The following MYB variants were observed in gnomAD, a reference collection of about 807,000 sequenced individuals.
MYB encodes MYB proto-oncogene, transcription factor.
A neutral mutation model predicts 92.9 loss-of-function variants in MYB; 28 were observed. The ratio of observed to expected loss-of-function variants is 0.30; its 90% CI spans 0.22 to 0.41. MYB has a LOEUF of 0.41. Ranked by LOEUF, MYB falls within the 10% of genes least tolerant of loss-of-function variation. The pLI is 1.00. For synonymous variants in MYB, 295 were observed against 329.1 expected (o/e 0.90, Z 1.12); for missense variants, 679 against 929.3 (o/e 0.73, Z 3.50).
chr6:135,218,247 T>G lies in MYB; in HGVS notation c.*267T>G, dbSNP rs1780705679. 1 of 330,532 alleles carries G rather than the reference T, an allele frequency of 3.0e-6. No individual in the cohort carries two copies. The highest frequency in any genetic ancestry group is 5.7e-5 in the East Asian group (1 of 17,678). The allele number at this position is 330,532 out of a possible 1,614,324, so 20.5% of individuals were successfully genotyped here. ...GTTGTTAATATCTTAATGCAGATTT[T>G]TTTAAAAAAAACATAAAATGATTTA... On this transcript the variant is annotated 3_prime_UTR_variant, in exon 16 of 16. Coordinates refer to ENST00000341911, the MANE Select transcript of MYB (RefSeq NM_001130173.2).
chr6:135,217,781 C>G (rs1780658001), intron 15 of MYB, 83 bp from the exon 16 acceptor site: 3 of 901,502 alleles, frequency 3.3e-6, no homozygotes, highest in Non-Finnish European at 5.5e-6. Flanking sequence ...CACTTGCCAT[C>G]TGTTGGTCAG....
Position 135,197,105 on chromosome 6 carries a change from A to G in MYB, c.1348A>G (p.Arg450Gly), listed in dbSNP as rs779324613. The stretch of plus-strand genomic sequence containing the variant: ...TAAACCTGCAGGAGAACCTAGCCCA[A>G]GGGTGAACAAACGTATGTTGAGTGA... ...GTKPAGEPSP[R>G]VNKRMLSESS... Residue 450 changes from arginine to glycine, a missense_variant, in exon 10 of 16, where the codon AGG becomes GGG. Arg to Gly is a moderately radical substitution (Grantham distance 125). Around this residue, in one of 8 missense-constraint regions of MYB, gnomAD observed 402 missense variants for 434.2 expected, o/e 0.93. Coordinates refer to ENST00000341911, the MANE Select transcript of MYB (RefSeq NM_001130173.2). 6.2e-7 allele frequency: 1 copy of G among 1,613,926 alleles called. No individual in the cohort carries two copies. Among genetic ancestry groups the G allele is most frequent in the African/African-American group, 1.3e-5 (1 of 74,940 alleles).
At chr6:135,212,698 A>G (rs1410519409) in intron 15 of MYB, among the ~76,000 whole-genome samples, 4 of 152,226 alleles carry the variant, frequency 2.6e-5, no homozygotes, top group African/African-American at 9.6e-5. Flanking sequence ...CATGTCTGCA[A>G]GAGCACCATG....
chr6:135,209,467 C>G (rs1779420394), intron 15 of MYB, among the ~76,000 whole-genome samples: 1 of 152,236 alleles, frequency 6.6e-6, no homozygotes. Flanking sequence ...CTCCCAACCT[C>G]AGGTGATCTG....
At chr6:135,203,764 A>G in intron 15 of MYB, 1 of 1,330,890 alleles carries the variant, frequency 7.5e-7, no homozygotes, top group Non-Finnish European at 9.8e-7. Context: ...GTCTGAAATT[A>G]GTCAGACAGA....
At position 135,210,829 on chromosome 6, in the gene MYB, A is replaced by T. The variant is rs532537098; in HGVS notation, c.2170-7035A>T. ...ACACTTGCCACTATACACAGGTGAT[A>T]TTATTAGGCAGAGTCGCCACATAGT... is the stretch of plus-strand genomic sequence containing the variant. On this transcript the variant is annotated intron_variant, in intron 15 of 15. Transcript: ENST00000341911. 2.0e-5 allele frequency among the ~76,000 whole-genome samples: 3 copies of T among 152,378 alleles called. No individual in the cohort carries two copies. The East Asian group carries it at 5.8e-4, about 29-fold the overall frequency.
Position 135,219,031 on chromosome 6 carries a change from A to G in MYB, c.*1051A>G, listed in dbSNP as rs1217540178. 2 of 224,814 alleles carry G rather than the reference A, an allele frequency of 8.9e-6. No homozygotes were observed. Among genetic ancestry groups the G allele is most frequent in the African/African-American group, 2.2e-5 (1 of 44,878 alleles). The allele number at this position is 224,814 out of a possible 1,614,324, so 13.9% of individuals were successfully genotyped here. A position where few individuals can be genotyped will look rare whatever the true frequency, so the allele number is the denominator to read the frequency against. ...CTGTTGCATGGATCCTGTGTTTGCA[A>G]CTGGGGAGACAGAAACTGTGGTTGA... is the stretch of plus-strand genomic sequence containing the variant. On this transcript the variant is annotated 3_prime_UTR_variant, in exon 16 of 16. Transcript: ENST00000341911.
At chr6:135,192,235 G>A (rs1037853793) in intron 5 of MYB, 89 bp from the exon 6 acceptor site, 13 of 1,056,530 alleles carry the variant, frequency 1.2e-5, no homozygotes, top group Admixed American at 5.4e-5. Context: ...CAAGGGAAAG[G>A]TCTCTGTTAG....
chr6:135,217,176 C>T (rs781396841), intron 15 of MYB, among the ~76,000 whole-genome samples: 3 of 152,046 alleles, frequency 2.0e-5, no homozygotes, highest in Non-Finnish European at 4.4e-5. Context: ...CAAGACCAAC[C>T]TGGGCAACAT....
intron 10 of MYB, among the ~76,000 whole-genome samples, chr6:135,198,006 ATTAT>A (rs1156508824): frequency 6.6e-6 from 1 of 152,236 alleles, no homozygotes; most frequent in Non-Finnish European, 1.5e-5. Flanking sequence ...GTGTTCCTAA[ATTAT>A]TTAAATAATT....
At chr6:135,188,133 A>C (rs1776163811) in intron 3 of MYB, among the ~76,000 whole-genome samples, 1 of 152,200 alleles carries the variant, frequency 6.6e-6, no homozygotes, top group Non-Finnish European at 1.5e-5. Context: ...AATTTTAAAA[A>C]CAGTTGCTTC....
At position 135,181,599 on chromosome 6, in the gene MYB, C is replaced by T. The variant is rs373997683; in HGVS notation, c.23+63C>T. The T allele has an allele frequency of 2.8e-6, 3 of 1,068,502 alleles. No homozygotes were observed. Among genetic ancestry groups the T allele is most frequent in the South Asian group, 4.6e-5 (1 of 21,864 alleles). 66.2% of individuals were successfully genotyped at this position (1,068,502 alleles called of 1,614,324 possible). On this transcript the variant is annotated intron_variant, in intron 1 of 15. Coordinates refer to ENST00000341911, the MANE Select transcript of MYB (RefSeq NM_001130173.2). This position sits in a 1 kb window ranked among gnomAD's most constrained non-coding sequence, Gnocchi z 5.3. ...GCGCGGGGGCGCGCGGGGCGCCAGG[C>T]TCCCGGGAGCAGGTGGGAATTCGTT...
chr6:135,206,996 A>G (rs771956856), intron 15 of MYB, among the ~76,000 whole-genome samples: 1 of 152,194 alleles, frequency 6.6e-6, no homozygotes, highest in Admixed American at 6.5e-5. Context: ...TCCTGATTCA[A>G]TAATATTTCT....
intron 9 of MYB, 133 bp from the exon 10 acceptor site, chr6:135,196,828 T>C (rs1777387643): frequency 6.3e-7 from 1 of 1,585,918 alleles, no homozygotes; most frequent in African/African-American, 1.3e-5. Context: ...CTGCTCATCT[T>C]GAAGCTGTTG....
intron 15 of MYB, among the ~76,000 whole-genome samples, chr6:135,206,734 C>G (rs1778997230): frequency 6.6e-6 from 1 of 151,960 alleles, no homozygotes. Context: ...ATAATAGATA[C>G]TAATTTATTT....
In MYB at chr6:135,182,599, C is replaced by T. The variant is rs931865642; in HGVS notation, c.23+1063C>T. ...GGTCGCCGCGCCTTCTCGCACCCTC[C>T]TTCAGCCGCCTTAGGTCGCCCCGGC... On this transcript the variant is annotated intron_variant, in intron 1 of 15. Coordinates refer to ENST00000341911, the MANE Select transcript of MYB (RefSeq NM_001130173.2). The surrounding 1 kb of genome is among the most constrained non-coding windows in gnomAD (Gnocchi z 5.6). 6.6e-6 allele frequency among the ~76,000 whole-genome samples: 1 copy of T among 152,138 alleles called. No individual in the cohort carries two copies.
intron 8 of MYB, chr6:135,194,901 T>C (rs368305735): frequency 3.2e-6 from 4 of 1,266,258 alleles, no homozygotes; most frequent in East Asian, 5.3e-5. Flanking sequence ...TAAAAGGTTA[T>C]ATATAAAACC....
chr6:135,217,605 C>T (rs556949608), intron 15 of MYB, among the ~76,000 whole-genome samples: 8 of 152,194 alleles, frequency 5.3e-5, no homozygotes, highest in Admixed American at 4.6e-4. Context: ...GCCTAATAGA[C>T]GGAAGGCATT....
intron 1 of MYB, among the ~76,000 whole-genome samples, chr6:135,184,374 G>A (rs1321998267): frequency 3.6e-5 from 1 of 27,634 alleles, no homozygotes; most frequent in Non-Finnish European, 7.3e-5. Flanking sequence ...TTACATTTTT[G>A]TAGTTCTTGT....
Sources: gnomAD v4.1 joint callset for allele counts (sites outside exome capture counted in the v4.1 genomes callset) on GRCh38, gnomAD v4.1.1 for gene constraint, gnomAD v4.1.1 regional missense constraint, Gnocchi (gnomAD v3.1) non-coding constraint, MANE v1.5 for transcripts, NCBI Gene and HGNC (gene_info 2026-07-23, HGNC 2026-07-21) for gene names.